The following SGK3 variants were observed in gnomAD, a reference collection of about 807,000 sequenced individuals.
SGK3 encodes the protein serine/threonine-protein kinase Sgk3.
A neutral mutation model predicts 68.5 loss-of-function variants in SGK3; 47 were observed. The observed-to-expected ratio is 0.69, with a 90% CI of 0.54 to 0.87. The LOEUF (loss-of-function observed/expected upper bound fraction) is 0.87, where lower values mean the gene tolerates loss of function less well. Ranked by LOEUF, SGK3 falls within the 40% of genes least tolerant of loss-of-function variation. The pLI, the probability that SGK3 is intolerant of heterozygous loss-of-function variation, is 0.00. For missense variants in SGK3, 479 were observed against 575.5 expected, an observed-to-expected ratio of 0.83 and a Z score of 1.72; for synonymous variants, 181 against 189.1, an observed-to-expected ratio of 0.96 and a Z score of 0.35.
intron 1 of SGK3, among the ~76,000 whole-genome samples, chr8:66,780,211 A>G (rs879399171): frequency 3.3e-5 from 5 of 152,166 alleles, no homozygotes; most frequent in African/African-American, 1.2e-4. Flanking sequence ...GATTCAGGAG[A>G]CTGATGAAGG....
At position 66,773,810 on chromosome 8, in the gene SGK3, T is replaced by C. The variant is rs558578164; in HGVS notation, c.-121-19806T>C. ...ATAGCGTGAGATTTTATCACACTGC[T>C]CAGAACAGCACACCATTTAAAACTC... On this transcript the variant is annotated intron_variant, in intron 1 of 16. Transcript: ENST00000521198. Among the ~76,000 whole-genome samples, 312 of 152,302 alleles carry C rather than the reference T, an allele frequency of 2.0e-3. 1 individual carries two copies. The highest frequency in any genetic ancestry group is 7.0e-3 in the African/African-American group (290 of 41,550).
At chr8:66,766,630 G>A (rs1806328276) in intron 1 of SGK3, among the ~76,000 whole-genome samples, 1 of 151,980 alleles carries the variant, frequency 6.6e-6, no homozygotes, top group Non-Finnish European at 1.5e-5. Flanking sequence ...TTATGAAAGG[G>A]GTTTTGAAAC....
At chr8:66,741,177 G>C (rs1805467935) in intron 1 of SGK3, among the ~76,000 whole-genome samples, 1 of 152,142 alleles carries the variant, frequency 6.6e-6, no homozygotes, top group African/African-American at 2.4e-5. Context: ...TAGGCAGGGA[G>C]TACAAATTGG....
At chr8:66,839,014 T>TA (rs1314695787) in intron 10 of SGK3, among the ~76,000 whole-genome samples, 5 of 152,122 alleles carry the variant, frequency 3.3e-5, no homozygotes, top group Non-Finnish European at 5.9e-5. Context: ...AATGTCCACA[T>TA]AGGAGATATC....
intron 1 of SGK3, among the ~76,000 whole-genome samples, chr8:66,750,475 A>G (rs1338861386): frequency 6.6e-6 from 1 of 152,002 alleles, no homozygotes; most frequent in Non-Finnish European, 1.5e-5. Context: ...GAATATGTAA[A>G]CAGGCAATTG....
intron 1 of SGK3, among the ~76,000 whole-genome samples, chr8:66,750,421 A>G (rs1563608788): frequency 1.3e-5 from 2 of 152,074 alleles, no homozygotes; most frequent in Non-Finnish European, 2.9e-5. Context: ...TAGAGATACT[A>G]TCCAATCCTG....
chr8:66,774,948 C>T (rs1806635259), intron 1 of SGK3, among the ~76,000 whole-genome samples: 1 of 152,240 alleles, frequency 6.6e-6, no homozygotes. Context: ...TTCCTTGCCC[C>T]CGCCCAAGGC....
intron 5 of SGK3, among the ~76,000 whole-genome samples, chr8:66,821,013 C>G (rs951744957): frequency 1.1e-4 from 17 of 152,058 alleles, no homozygotes; most frequent in African/African-American, 3.1e-4. Context: ...GCTAAGGCCT[C>G]CTCTTTTTAA....
At chr8:66,753,503 A>G (rs149130860) in intron 1 of SGK3, among the ~76,000 whole-genome samples, 1 of 152,280 alleles carries the variant, frequency 6.6e-6, no homozygotes, top group Admixed American at 6.5e-5. Flanking sequence ...TGTATTATAT[A>G]CTTTCCCAGC....
chr8:66,799,008 C>T (rs1320974743), intron 3 of SGK3, among the ~76,000 whole-genome samples: 2 of 152,162 alleles, frequency 1.3e-5, no homozygotes, highest in Non-Finnish European at 2.9e-5. Context: ...CCCTTCCATA[C>T]TTTGTTTCCA....
chr8:66,852,359 A>G (rs1810329566), intron 16 of SGK3, among the ~76,000 whole-genome samples: 1 of 135,336 alleles, frequency 7.4e-6, no homozygotes, highest in Non-Finnish European at 1.5e-5. Context: ...TTGGCTCACT[A>G]CAACCTCCGC....
chr8:66,812,734 A>G (rs1208130638), intron 4 of SGK3, among the ~76,000 whole-genome samples: 1 of 151,724 alleles, frequency 6.6e-6, no homozygotes, highest in Admixed American at 6.6e-5. Context: ...TAATCCTATA[A>G]CAGCATTATG....
At chr8:66,803,808 C>T (rs1174021860) in intron 3 of SGK3, among the ~76,000 whole-genome samples, 1 of 152,000 alleles carries the variant, frequency 6.6e-6, no homozygotes, top group Non-Finnish European at 1.5e-5. Context: ...AGGCATATGC[C>T]ACCATGCCTG....
At position 66,793,693 on chromosome 8, in the gene SGK3, C is replaced by A. The variant is rs1416541192; in HGVS notation, c.-44C>A. On this transcript the variant is annotated 5_prime_UTR_variant, in exon 2 of 17. In the 5' UTR this introduces an upstream ATG that the reference lacks. Coordinates refer to ENST00000521198, the MANE Select transcript of SGK3 (RefSeq NM_001033578.3). The stretch of plus-strand genomic sequence containing the variant: ...GTTAATTGGGTTTGTCCTCTGCTGA[C>A]TGTTTCTTCGGATGCATTTTTTGGT... The A allele has an allele frequency of 1.3e-6, 2 of 1,586,930 alleles. No homozygotes were observed.
intron 4 of SGK3, among the ~76,000 whole-genome samples, chr8:66,808,637 A>G (rs1454236730): frequency 7.0e-6 from 1 of 142,084 alleles, no homozygotes; most frequent in African/African-American, 2.6e-5. Context: ...CCTCAACCTC[A>G]TGAGTAGCTG....
chr8:66,743,474 C>G (rs999155973), intron 1 of SGK3, among the ~76,000 whole-genome samples: 1 of 152,230 alleles, frequency 6.6e-6, no homozygotes, highest in Non-Finnish European at 1.5e-5. Context: ...CTCCCCACTT[C>G]ATATAGTAAC....
At position 66,850,850 on chromosome 8, in the gene SGK3, CT is replaced by C. The variant is rs772717846; in HGVS notation, c.1257del (p.Phe419LeufsTer52). ...KEDFLEIQNH[P>X]FFESLSWADL... is the part of the protein sequence containing the mutation. ...TTCCAGCTTGAAATTCAGAATCATC[CT>C]TTTTTTGAATCACTCAGCTGGGCTG... On this transcript the variant is annotated frameshift_variant, in exon 16 of 17. Coordinates refer to ENST00000521198, the MANE Select transcript of SGK3 (RefSeq NM_001033578.3). LOFTEE classifies it high-confidence loss of function. The C allele has an allele frequency of 1.9e-6, 3 of 1,607,442 alleles. No homozygotes were observed. The highest frequency in any genetic ancestry group is 1.7e-5 in the Admixed American group (1 of 59,342).
At chr8:66,821,768 G>A (rs1444517826) in intron 5 of SGK3, among the ~76,000 whole-genome samples, 8 of 143,666 alleles carry the variant, frequency 5.6e-5, no homozygotes, top group East Asian at 4.2e-4. Flanking sequence ...CTCGTGATCC[G>A]CCCGCCTCTG....
chr8:66,847,161 A>G (rs181830315), intron 14 of SGK3, 32 bp from the exon 15 acceptor site: 142 of 1,581,974 alleles, frequency 9.0e-5, no homozygotes, highest in Admixed American at 7.1e-4. Flanking sequence ...TTTGTTTACC[A>G]CTAAGTTTAT....
Sources: gnomAD v4.1 joint callset for allele counts (sites outside exome capture counted in the v4.1 genomes callset) on GRCh38, gnomAD v4.1.1 for gene constraint, MANE v1.5 for transcripts, NCBI Gene and HGNC (gene_info 2026-07-23, HGNC 2026-07-21) for gene names.